CMSS1: variants seen among roughly 807,000 people sequenced by gnomAD.
CMSS1 encodes the protein protein CMSS1.
A neutral mutation model predicts 43.5 loss-of-function variants in CMSS1; 33 were observed. That is an observed-to-expected ratio of 0.76 (90% CI 0.57 to 1.01). The LOEUF (loss-of-function observed/expected upper bound fraction) is 1.01, where lower values mean the gene tolerates loss of function less well. CMSS1 is among the 50% of genes least tolerant of loss of function. CMSS1 has a pLI of 0.00. For synonymous variants in CMSS1, 115 were observed against 117.2 expected, an observed-to-expected ratio of 0.98 and a Z score of 0.12; for missense variants, 313 against 326.4, an observed-to-expected ratio of 0.96 and a Z score of 0.32.
chr3:99,969,772 G>A (rs1708760886), intron 1 of CMSS1, among the ~76,000 whole-genome samples: 1 of 152,188 alleles, frequency 6.6e-6, no homozygotes, highest in South Asian at 2.1e-4. Context: ...TGGAGATGAA[G>A]AAGGTGAGGA....
chr3:100,070,671 G>T (rs2065746067), intron 1 of CMSS1, among the ~76,000 whole-genome samples: 1 of 151,988 alleles, frequency 6.6e-6, no homozygotes, highest in African/African-American at 2.4e-5. Flanking sequence ...CACTCTTTTG[G>T]CCCACGCTGG....
chr3:100,109,145 G>T (rs770540230), intron 1 of CMSS1, among the ~76,000 whole-genome samples: 23 of 149,468 alleles, frequency 1.5e-4, no homozygotes, highest in Non-Finnish European at 3.0e-4. Context: ...CAATTCTTCC[G>T]CTGTAAATCA....
chr3:100,070,776 C>T (rs1171849376), intron 1 of CMSS1, among the ~76,000 whole-genome samples: 1 of 152,158 alleles, frequency 6.6e-6, no homozygotes, highest in Non-Finnish European at 1.5e-5. Context: ...GGATTAAAGG[C>T]ATGTGCCACC....
chr3:100,068,571 TAGTATATGTATC>T (rs2065706860), intron 1 of CMSS1, among the ~76,000 whole-genome samples: 1 of 152,202 alleles, frequency 6.6e-6, no homozygotes, highest in South Asian at 2.1e-4. Context: ...ATATAATACA[TAGTATATGTATC>T]AGTTTACTTT....
chr3:99,840,441 C>A (rs1350558112), intron 1 of CMSS1, among the ~76,000 whole-genome samples: 8 of 151,962 alleles, frequency 5.3e-5, no homozygotes, highest in Admixed American at 5.2e-4. Flanking sequence ...CCAGGCTGGT[C>A]TTGAACTCCT....
intron 1 of CMSS1, among the ~76,000 whole-genome samples, chr3:99,963,000 T>A (rs573002088): frequency 6.6e-5 from 10 of 152,338 alleles, no homozygotes; most frequent in Non-Finnish European, 1.3e-4. Flanking sequence ...ATTGCTCTCT[T>A]GATGGATTTT....
intron 1 of CMSS1, among the ~76,000 whole-genome samples, chr3:100,131,476 C>T (rs528541178): frequency 6.6e-6 from 1 of 152,298 alleles, no homozygotes; most frequent in South Asian, 2.1e-4. Flanking sequence ...CCAAAGCCAG[C>T]TATTGAGTGG....
At chr3:100,146,941 C>T in intron 1 of CMSS1, 32 bp from the exon 2 acceptor site, 1 of 1,603,154 alleles carries the variant, frequency 6.2e-7, no homozygotes, top group Non-Finnish European at 8.5e-7. Context: ...GAGAGAGAGA[C>T]TTTTCTGATT....
intron 1 of CMSS1, among the ~76,000 whole-genome samples, chr3:100,030,029 A>G (rs1171201937): frequency 6.6e-6 from 1 of 152,156 alleles, no homozygotes; most frequent in Non-Finnish European, 1.5e-5. Context: ...CTAGCATGGA[A>G]TGGAAAGTAT....
chr3:100,160,611 G>A, intron 3 of CMSS1, 110 bp downstream of exon 3: 1 of 603,126 alleles, frequency 1.7e-6, no homozygotes, highest in Non-Finnish European at 3.0e-6. Context: ...AAGAGATGCA[G>A]ACATTGTAAG....
intron 5 of CMSS1, among the ~76,000 whole-genome samples, chr3:100,166,988 T>G (rs898881251): frequency 6.6e-6 from 1 of 152,026 alleles, no homozygotes; most frequent in South Asian, 2.1e-4. Context: ...GCTCAAGAGA[T>G]CCTCCCCACT....
intron 1 of CMSS1, among the ~76,000 whole-genome samples, chr3:100,130,904 T>C (rs1297280802): frequency 6.6e-6 from 1 of 151,806 alleles, no homozygotes; most frequent in Non-Finnish European, 1.5e-5. Context: ...TTTTAAGGGG[T>C]AGGTGAAATA....
intron 1 of CMSS1, among the ~76,000 whole-genome samples, chr3:99,942,487 A>G (rs1347667757): frequency 6.6e-6 from 1 of 152,208 alleles, no homozygotes; most frequent in African/African-American, 2.4e-5. Context: ...TTCATAATAA[A>G]AGATTTGAAA....
chr3:99,930,214 A>G (rs1707433681), intron 1 of CMSS1, among the ~76,000 whole-genome samples: 1 of 152,256 alleles, frequency 6.6e-6, no homozygotes, highest in Non-Finnish European at 1.5e-5. Context: ...GTCTAATTAC[A>G]CAATTAATGT....
At chr3:100,153,157 A>G (rs1399536228) in intron 2 of CMSS1, among the ~76,000 whole-genome samples, 1 of 152,222 alleles carries the variant, frequency 6.6e-6, no homozygotes, top group Non-Finnish European at 1.5e-5. Context: ...AAAAAACAGG[A>G]TCATCACCCC....
chr3:100,064,300 T>G (rs1422683517), intron 1 of CMSS1, among the ~76,000 whole-genome samples: 1 of 152,172 alleles, frequency 6.6e-6, no homozygotes, highest in South Asian at 2.1e-4. Flanking sequence ...AGACAAAACT[T>G]CTGACGATTT....
intron 1 of CMSS1, among the ~76,000 whole-genome samples, chr3:99,844,625 A>G (rs1357409958): frequency 6.6e-6 from 1 of 152,106 alleles, no homozygotes; most frequent in African/African-American, 2.4e-5. Flanking sequence ...TAGACTACAA[A>G]TCTCTAAAAT....
intron 1 of CMSS1, among the ~76,000 whole-genome samples, chr3:100,136,639 A>G (rs1165025910): frequency 2.0e-5 from 3 of 152,200 alleles, no homozygotes; most frequent in Admixed American, 6.5e-5. Context: ...CCTTCAGAAG[A>G]TCTTCACAGA....
chr3:99,922,063 A>T (rs1157785653), intron 1 of CMSS1, among the ~76,000 whole-genome samples: 2 of 152,144 alleles, frequency 1.3e-5, no homozygotes, highest in East Asian at 3.9e-4. Context: ...TCCCACCATA[A>T]ATCTGTATCA....
Sources: gnomAD v4.1 joint callset for allele counts (sites outside exome capture counted in the v4.1 genomes callset) on GRCh38, gnomAD v4.1.1 for gene constraint, MANE v1.5 for transcripts, NCBI Gene and HGNC (gene_info 2026-07-23, HGNC 2026-07-21) for gene names.